PRDM10: variants seen among roughly 807,000 people sequenced by gnomAD.
PRDM10 encodes the protein PR domain zinc finger protein 10.
In PRDM10, 65 loss-of-function variants were observed where a neutral mutation model predicts 133.1. That is an observed-to-expected ratio of 0.49 (90% CI 0.40 to 0.60). The LOEUF (loss-of-function observed/expected upper bound fraction) is 0.60, where lower values mean the gene tolerates loss of function less well. PRDM10 is among the 20% of genes least tolerant of loss of function. The pLI, the probability that PRDM10 is intolerant of heterozygous loss-of-function variation, is 0.00. For synonymous variants in PRDM10, 582 were observed against 580.4 expected, an observed-to-expected ratio of 1.00 and a Z score of -0.04; for missense variants, 1,137 against 1,507.1, an observed-to-expected ratio of 0.75 and a Z score of 4.07.
intron 3 of PRDM10, 70 bp downstream of exon 3, chr11:129,957,676 C>T: frequency 6.5e-7 from 1 of 1,536,508 alleles, no homozygotes; most frequent in Non-Finnish European, 8.8e-7. Context: ...CAATGACTGA[C>T]AGAAAGTAAA....
intron 2 of PRDM10, 87 bp from the exon 3 acceptor site, chr11:129,957,997 A>G (rs1164824102): frequency 2.8e-6 from 4 of 1,409,570 alleles, no homozygotes; most frequent in African/African-American, 2.8e-5. Flanking sequence ...AAGATCCCCA[A>G]TGACAGGAGA....
chr11:129,988,538 T>C (rs1938549011), intron 1 of PRDM10, among the ~76,000 whole-genome samples: 1 of 150,710 alleles, frequency 6.6e-6, no homozygotes. Flanking sequence ...GGCTGAACCA[T>C]ATACATCTTA....
chr11:129,986,228 T>A (rs748146372), intron 1 of PRDM10, among the ~76,000 whole-genome samples: 2 of 150,972 alleles, frequency 1.3e-5, no homozygotes, highest in South Asian at 2.1e-4. Flanking sequence ...TGGCTTAGGA[T>A]GGCAACAAGA....
intron 1 of PRDM10, among the ~76,000 whole-genome samples, chr11:129,965,222 C>T (rs1011924402): frequency 4.6e-5 from 7 of 151,102 alleles, no homozygotes; most frequent in Admixed American, 1.3e-4. Context: ...GCCTGGGCGA[C>T]ACAGCAAGAC....
intron 1 of PRDM10, among the ~76,000 whole-genome samples, chr11:129,971,101 G>T (rs573484233): frequency 5.3e-5 from 8 of 152,226 alleles, no homozygotes; most frequent in African/African-American, 1.9e-4. Flanking sequence ...CCTTCTGGTG[G>T]GTTCATGGTC....
At chr11:130,002,580 G>C (rs1363518634) in intron 1 of PRDM10, 142 bp downstream of exon 1, 1 of 153,018 alleles carries the variant, frequency 6.5e-6, no homozygotes, top group South Asian at 2.0e-4. Flanking sequence ...TCCGCGGTCG[G>C]TTGGCCCCGG....
At chr11:129,932,001 T>A in intron 10 of PRDM10, 101 bp downstream of exon 10, 1 of 1,385,074 alleles carries the variant, frequency 7.2e-7, no homozygotes, top group Middle Eastern at 2.0e-4. Flanking sequence ...ATAGGAAAGG[T>A]CTACAAACAT....
chr11:129,973,549 G>C (rs1937619961), intron 1 of PRDM10, among the ~76,000 whole-genome samples: 1 of 152,102 alleles, frequency 6.6e-6, no homozygotes, highest in African/African-American at 2.4e-5. Flanking sequence ...CAGAAAAATA[G>C]AAAAGCATAT....
chr11:129,979,244 C>A (rs983039092), intron 1 of PRDM10, among the ~76,000 whole-genome samples: 2 of 151,980 alleles, frequency 1.3e-5, no homozygotes, highest in Non-Finnish European at 2.9e-5. Context: ...CACGTGCCTG[C>A]AAAAAAACTG....
chr11:129,960,053 T>G (rs1331773246), intron 2 of PRDM10, among the ~76,000 whole-genome samples: 1 of 152,072 alleles, frequency 6.6e-6, no homozygotes, highest in African/African-American at 2.4e-5. Flanking sequence ...CCACCATATT[T>G]GGTCCATACT....
chr11:129,977,946 G>C (rs1157562804), intron 1 of PRDM10, among the ~76,000 whole-genome samples: 1 of 149,420 alleles, frequency 6.7e-6, no homozygotes, highest in Non-Finnish European at 1.5e-5. Flanking sequence ...GGGCGACAGA[G>C]TGAGAGACCC....
chr11:129,942,369 A>G, intron 7 of PRDM10, 57 bp downstream of exon 7: 6 of 1,535,050 alleles, frequency 3.9e-6, no homozygotes, highest in South Asian at 1.2e-5. Flanking sequence ...AATTGCAAAA[A>G]GCCCTAAACA....
chr11:129,942,704 C>A, intron 6 of PRDM10, 75 bp from the exon 7 acceptor site: 3 of 1,294,844 alleles, frequency 2.3e-6, no homozygotes, highest in Admixed American at 2.1e-5. Context: ...TGTCACAATA[C>A]GCAAAATATT....
chr11:129,997,079 G>C lies in PRDM10; in HGVS notation c.-119+5643C>G, dbSNP rs139070234. On this transcript the variant is annotated intron_variant, in intron 1 of 20. Coordinates refer to ENST00000360871, the MANE Select transcript of PRDM10 (RefSeq NM_199437.2). ...TCCACACAGGGCAGTAAAAGGAAAG[G>C]CATCAATAAAGGCAGCTTAGGGCAA... 4.2e-3 allele frequency among the ~76,000 whole-genome samples: 637 copies of C among 152,302 alleles called. 3 individuals carry two copies. Among genetic ancestry groups the C allele is most frequent in the African/African-American group, 0.014 (579 of 41,580 alleles).
In PRDM10 at chr11:129,985,795, AAAAAAAAAAAAAAAAT is replaced by A. The variant is rs1270640038; in HGVS notation, c.-119+16911_-119+16926del. On this transcript the variant is annotated intron_variant, in intron 1 of 20. Coordinates refer to ENST00000360871, the MANE Select transcript of PRDM10 (RefSeq NM_199437.2). ...AAACCCTGTCCAAAAAAAAAAAAAA[AAAAAAAAAAAAAAAAT>A]ATATATATATATATATATATATGTA... Among the ~76,000 whole-genome samples, 634 of 121,720 alleles carry A rather than the reference AAAAAAAAAAAAAAAAT, an allele frequency of 5.2e-3. 2 individuals carry two copies. The highest frequency in any genetic ancestry group is 0.022 in the African/African-American group (564 of 25,292). The allele number at this position is 121,720 out of a possible 152,430, so 79.9% of individuals were successfully genotyped here. A position where few individuals can be genotyped will look rare whatever the true frequency, so the allele number is the denominator to read the frequency against.
chr11:130,001,409 T>C (rs530040123), intron 1 of PRDM10, among the ~76,000 whole-genome samples: 47 of 152,120 alleles, frequency 3.1e-4, no homozygotes, highest in Non-Finnish European at 5.9e-4. Context: ...CTGCTGTTTT[T>C]AATAAAGGTT....
At chr11:129,953,885 A>T (rs950288366) in intron 4 of PRDM10, among the ~76,000 whole-genome samples, 16 of 147,684 alleles carry the variant, frequency 1.1e-4, no homozygotes, top group Non-Finnish European at 2.4e-4. Context: ...GAAGTATATA[A>T]TAGTATATCC....
chr11:129,937,583 T>A lies in PRDM10; in HGVS notation c.1039+15A>T. 6.2e-7 allele frequency: 1 copy of A among 1,608,080 alleles called. No homozygotes were observed. The highest frequency in any genetic ancestry group is 2.2e-5 in the East Asian group (1 of 44,842). Reference sequence around the variant, plus strand: ...GAATTCATATAGAAAATGTAAAACATAAACGTCTAACCACCTTTCCTTTCT... The same window carrying A: ...GAATTCATATAGAAAATGTAAAACAAAAACGTCTAACCACCTTTCCTTTCT... On this transcript the variant is annotated intron_variant, in intron 8 of 20. Coordinates refer to ENST00000360871, the MANE Select transcript of PRDM10 (RefSeq NM_199437.2).
chr11:129,988,735 T>A (rs2135987532), intron 1 of PRDM10, among the ~76,000 whole-genome samples: 1 of 152,208 alleles, frequency 6.6e-6, no homozygotes, highest in South Asian at 2.1e-4. Context: ...GTTCACGCCA[T>A]TCTCCTGCCT....
Sources: allele counts gnomAD v4.1 joint callset (sites outside exome capture counted in the v4.1 genomes callset), GRCh38; gene constraint gnomAD v4.1.1; transcripts MANE v1.5; gene names NCBI Gene and HGNC (gene_info 2026-07-23, HGNC 2026-07-21).